Variants in PTPRD observed in about 807,000 individuals in gnomAD.
PTPRD encodes receptor-type tyrosine-protein phosphatase delta.
PTPRD carries 34 observed loss-of-function variants against 214.5 expected under a neutral mutation model. The ratio of observed to expected loss-of-function variants is 0.16; its 90% CI spans 0.12 to 0.21. PTPRD has a LOEUF of 0.21. Among genes scored for constraint, PTPRD ranks in the 10% least tolerant of loss-of-function variants. The probability of loss-of-function intolerance (pLI) is 1.00; values close to 1 mark genes in which losing one functional copy is unlikely to be tolerated. For synonymous variants in PTPRD, 1,128 were observed against 845.7 expected, an observed-to-expected ratio of 1.33 and a Z score of -5.79; for missense variants, 2,545 against 2,398.7, an observed-to-expected ratio of 1.06 and a Z score of -1.27.
intron 10 of PTPRD, among the ~76,000 whole-genome samples, chr9:9,136,714 T>G: frequency 6.6e-6 from 1 of 152,214 alleles, no homozygotes; most frequent in East Asian, 1.9e-4. Flanking sequence ...TGTATGTATT[T>G]GCCCCTGTAG....
intron 5 of PTPRD, among the ~76,000 whole-genome samples, chr9:9,850,554 T>G (rs10816207): frequency 0.12 from 17,658 of 152,120 alleles, 2,499 homozygotes; most frequent in East Asian, 0.74. Flanking sequence ...ATTTTTATAT[T>G]TTTAAATAGA....
chr9:9,306,653 C>A (rs972030911), intron 9 of PTPRD, among the ~76,000 whole-genome samples: 1 of 150,062 alleles, frequency 6.7e-6, no homozygotes, highest in Non-Finnish European at 1.5e-5. Context: ...TGAAGGCACA[C>A]ATTTTTAGGG....
chr9:9,178,444 C>T (rs1296829862), intron 10 of PTPRD, among the ~76,000 whole-genome samples: 2 of 151,912 alleles, frequency 1.3e-5, no homozygotes, highest in East Asian at 3.9e-4. Context: ...TGATTTGAAT[C>T]ACAGATATAC....
chr9:10,091,721 G>A (rs1369480021), intron 3 of PTPRD, among the ~76,000 whole-genome samples: 1 of 151,302 alleles, frequency 6.6e-6, no homozygotes, highest in African/African-American at 2.4e-5. Context: ...TTATTAATAA[G>A]ACTGTTACAG....
At chr9:10,443,127 T>C (rs1337122454) in intron 2 of PTPRD, among the ~76,000 whole-genome samples, 1 of 151,472 alleles carries the variant, frequency 6.6e-6, no homozygotes, top group Non-Finnish European at 1.5e-5. Flanking sequence ...TTTGTGTTTT[T>C]TTATTAGAGA....
At chr9:9,140,285 T>G (rs1362249080) in intron 10 of PTPRD, among the ~76,000 whole-genome samples, 2 of 152,158 alleles carry the variant, frequency 1.3e-5, no homozygotes, top group Admixed American at 6.5e-5. Context: ...CTTGATAGAT[T>G]ACATACACCC....
intron 9 of PTPRD, among the ~76,000 whole-genome samples, chr9:9,308,288 T>C (rs989859843): frequency 1.3e-5 from 2 of 152,142 alleles, no homozygotes; most frequent in African/African-American, 4.8e-5. Flanking sequence ...ATGACACAAA[T>C]CCTAGAAACA....
intron 3 of PTPRD, among the ~76,000 whole-genome samples, chr9:10,215,864 T>C (rs989466639): frequency 6.6e-6 from 1 of 151,876 alleles, no homozygotes; most frequent in Non-Finnish European, 1.5e-5. Context: ...TAAAAACATA[T>C]ATTATGATGC....
At chr9:8,702,861 C>A (rs1269856488) in intron 12 of PTPRD, among the ~76,000 whole-genome samples, 1 of 152,206 alleles carries the variant, frequency 6.6e-6, no homozygotes, top group Non-Finnish European at 1.5e-5. Context: ...CCCGCCTCGG[C>A]CTCCCAAAGT....
At chr9:8,328,835 G>A (rs746952657) in intron 44 of PTPRD, among the ~76,000 whole-genome samples, 19 of 151,924 alleles carry the variant, frequency 1.3e-4, no homozygotes, top group South Asian at 2.1e-4. Flanking sequence ...TGATACTTGC[G>A]TATGCTTCAC....
intron 2 of PTPRD, among the ~76,000 whole-genome samples, chr9:10,415,936 A>T (rs140347525): frequency 6.6e-6 from 1 of 151,948 alleles, no homozygotes; most frequent in Non-Finnish European, 1.5e-5. Context: ...AGGAGAGTCT[A>T]AGCAGCACAG....
chr9:10,390,329 A>G (rs2098032482), intron 2 of PTPRD, among the ~76,000 whole-genome samples: 1 of 151,836 alleles, frequency 6.6e-6, no homozygotes, highest in Non-Finnish European at 1.5e-5. Context: ...TACACCACAG[A>G]CATAATTTAA....
intron 14 of PTPRD, among the ~76,000 whole-genome samples, chr9:8,584,721 T>C (rs754995296): frequency 1.1e-4 from 17 of 152,308 alleles, no homozygotes; most frequent in Admixed American, 3.3e-4. Flanking sequence ...AATCCAGTAC[T>C]GTATTAGTCC....
At chr9:9,249,941 G>A (rs2099974773) in intron 9 of PTPRD, among the ~76,000 whole-genome samples, 1 of 152,054 alleles carries the variant, frequency 6.6e-6, no homozygotes, top group African/African-American at 2.4e-5. Context: ...TAAACAAACA[G>A]GAGGAAATTG....
chr9:9,292,510 A>C (rs1216190548), intron 9 of PTPRD, among the ~76,000 whole-genome samples: 2 of 151,474 alleles, frequency 1.3e-5, no homozygotes, highest in African/African-American at 2.4e-5. Context: ...AGATAGTACA[A>C]AGAGTTCTCA....
chr9:10,516,110 T>A (rs555828895), intron 2 of PTPRD, among the ~76,000 whole-genome samples: 4 of 151,910 alleles, frequency 2.6e-5, no homozygotes, highest in Non-Finnish European at 4.4e-5. Flanking sequence ...GATTGATGGG[T>A]CATATGGTAG....
chr9:8,808,923 C>G (rs1024136265), intron 11 of PTPRD, among the ~76,000 whole-genome samples: 12 of 152,106 alleles, frequency 7.9e-5, no homozygotes, highest in African/African-American at 2.9e-4. Flanking sequence ...TTTACACTTC[C>G]TGATCACAAA....
At chr9:9,863,307 T>G (rs977008227) in intron 5 of PTPRD, among the ~76,000 whole-genome samples, 4 of 152,108 alleles carry the variant, frequency 2.6e-5, no homozygotes, top group African/African-American at 9.7e-5. Flanking sequence ...TCTAAAAAAT[T>G]TGATAATTGA....
Position 8,333,960 on chromosome 9 carries a change from G to C in PTPRD, c.5380-2224C>G, listed in dbSNP as rs537160767. 2.6e-5 allele frequency among the ~76,000 whole-genome samples: 4 copies of C among 152,126 alleles called. No homozygotes were observed. The East Asian group carries it at 5.8e-4, about 22-fold the overall frequency. ...GAAGGCCATTACATAATGGCAAAGG[G>C]ATCAATGAACGAAGAAGAGTTAACT... On this transcript the variant is annotated intron_variant, in intron 43 of 45. Transcript: ENST00000381196.
Sources: allele counts gnomAD v4.1 joint callset (sites outside exome capture counted in the v4.1 genomes callset), GRCh38; gene constraint gnomAD v4.1.1; transcripts MANE v1.5; gene names NCBI Gene and HGNC (gene_info 2026-07-23, HGNC 2026-07-21).